Variants in BICC1 observed in about 807,000 individuals in gnomAD.
BICC1 encodes the protein BicC family RNA binding protein 1.
In BICC1, 43 loss-of-function variants were observed where a neutral mutation model predicts 111.0. The observed-to-expected ratio is 0.39, with a 90% CI of 0.30 to 0.50. The LOEUF (loss-of-function observed/expected upper bound fraction) is 0.50, where lower values mean the gene tolerates loss of function less well. Among genes scored for constraint, BICC1 ranks in the 20% least tolerant of loss-of-function variants. The pLI is 0.88. For synonymous variants in BICC1, 467 were observed against 434.4 expected, an observed-to-expected ratio of 1.07 and a Z score of -0.93; for missense variants, 1,091 against 1,203.2, an observed-to-expected ratio of 0.91 and a Z score of 1.38.
At chr10:58,588,719 A>T (rs771498439) in intron 1 of BICC1, among the ~76,000 whole-genome samples, 2 of 152,184 alleles carry the variant, frequency 1.3e-5, no homozygotes, top group Non-Finnish European at 2.9e-5. Context: ...AAGGTAGTAA[A>T]AACGCATCCC....
chr10:58,598,995 A>G (rs1043960663), intron 1 of BICC1, among the ~76,000 whole-genome samples: 1 of 152,242 alleles, frequency 6.6e-6, no homozygotes, highest in Non-Finnish European at 1.5e-5. Context: ...TTAAAAAGTC[A>G]GGCAACAACA....
At chr10:58,667,017 C>T (rs190260314) in intron 2 of BICC1, among the ~76,000 whole-genome samples, 16 of 152,076 alleles carry the variant, frequency 1.1e-4, no homozygotes, top group African/African-American at 3.6e-4. Flanking sequence ...CAATAATGAT[C>T]TAGATGAAAG....
chr10:58,611,554 C>T (rs1845420489), intron 1 of BICC1, among the ~76,000 whole-genome samples: 1 of 151,658 alleles, frequency 6.6e-6, no homozygotes, highest in Admixed American at 6.6e-5. Flanking sequence ...TGGCTCACTG[C>T]AACCTCCGCC....
At chr10:58,555,506 T>C (rs1843426926) in intron 1 of BICC1, among the ~76,000 whole-genome samples, 4 of 152,036 alleles carry the variant, frequency 2.6e-5, no homozygotes, top group Admixed American at 2.0e-4. Context: ...AAAGGGAAGC[T>C]AAGGTCTAGG....
chr10:58,596,999 A>G (rs932568997), intron 1 of BICC1, among the ~76,000 whole-genome samples: 18 of 152,222 alleles, frequency 1.2e-4, no homozygotes, highest in African/African-American at 2.4e-4. Context: ...TATACATTCA[A>G]TGCTATCCCC....
At chr10:58,715,644 C>T in intron 3 of BICC1, 2 of 1,605,580 alleles carry the variant, frequency 1.2e-6, no homozygotes, top group Non-Finnish European at 8.5e-7. Context: ...GCCAACAATA[C>T]AGGATTATCT....
chr10:58,705,337 C>T (rs988725170), intron 3 of BICC1, among the ~76,000 whole-genome samples: 3 of 152,110 alleles, frequency 2.0e-5, no homozygotes, highest in African/African-American at 7.2e-5. Flanking sequence ...ACAGTCGCTT[C>T]TGGATAATGC....
intron 1 of BICC1, among the ~76,000 whole-genome samples, chr10:58,537,097 A>G (rs1842845127): frequency 6.6e-6 from 1 of 151,702 alleles, no homozygotes; most frequent in Non-Finnish European, 1.5e-5. Flanking sequence ...CAACAAAAAA[A>G]GCCCAGGGCA....
At chr10:58,764,629 C>CT (rs11366847) in intron 3 of BICC1, among the ~76,000 whole-genome samples, 1,630 of 117,572 alleles carry the variant, frequency 0.014, 30 homozygotes, top group South Asian at 0.065. Flanking sequence ...TAATTTCCTT[C>CT]TTTTTTTTTT....
At chr10:58,690,074 C>A (rs1399839813) in intron 2 of BICC1, among the ~76,000 whole-genome samples, 1 of 152,124 alleles carries the variant, frequency 6.6e-6, no homozygotes, top group East Asian at 1.9e-4. Flanking sequence ...ATATATACAG[C>A]ATTAAAAGAT....
At chr10:58,796,550 C>A (rs745803879) in intron 10 of BICC1, 24 bp downstream of exon 10, 8 of 1,581,400 alleles carry the variant, frequency 5.1e-6, no homozygotes, top group Non-Finnish European at 6.9e-6. Flanking sequence ...TATTACAGCG[C>A]GTCTCAGTCA....
intron 2 of BICC1, among the ~76,000 whole-genome samples, chr10:58,673,612 C>G (rs1839247604): frequency 6.6e-6 from 1 of 152,050 alleles, no homozygotes; most frequent in Non-Finnish European, 1.5e-5. Flanking sequence ...TTACCACATT[C>G]TTGTTATTTT....
intron 1 of BICC1, among the ~76,000 whole-genome samples, chr10:58,611,922 C>T (rs1337202964): frequency 6.6e-6 from 1 of 152,100 alleles, no homozygotes; most frequent in African/African-American, 2.4e-5. Flanking sequence ...TTAATCCAGC[C>T]ACTGTTAAGA....
At chr10:58,620,142 C>T (rs868654003) in intron 1 of BICC1, among the ~76,000 whole-genome samples, 2 of 152,150 alleles carry the variant, frequency 1.3e-5, no homozygotes, top group South Asian at 2.1e-4. Flanking sequence ...TCAAATTCCC[C>T]ACCCCTCAAA....
At chr10:58,550,973 C>T (rs981745546) in intron 1 of BICC1, among the ~76,000 whole-genome samples, 20 of 152,140 alleles carry the variant, frequency 1.3e-4, no homozygotes, top group African/African-American at 4.3e-4. Context: ...CAGCTTTTAA[C>T]ATTCCACATC....
chr10:58,746,538 A>G (rs1841842155), intron 3 of BICC1, among the ~76,000 whole-genome samples: 1 of 152,160 alleles, frequency 6.6e-6, no homozygotes, highest in East Asian at 1.9e-4. Context: ...TGAGGAGGTG[A>G]GTTCTCAGTT....
chr10:58,789,638 C>G (rs374597697), intron 7 of BICC1, 44 bp from the exon 8 acceptor site: 18 of 1,603,822 alleles, frequency 1.1e-5, no homozygotes, highest in Non-Finnish European at 1.5e-5. Flanking sequence ...CGTATATGAA[C>G]AGTTAATGTA....
chr10:58,680,885 T>G (rs531850611), intron 2 of BICC1, among the ~76,000 whole-genome samples: 3 of 152,358 alleles, frequency 2.0e-5, no homozygotes, highest in African/African-American at 7.2e-5. Context: ...TACAACCATC[T>G]GATCTTTGAC....
Position 58,544,692 on chromosome 10 carries a change from T to G in BICC1, c.190+31359T>G, listed in dbSNP as rs534037188. The stretch of plus-strand genomic sequence containing the variant: ...ATGCTTATCAAGGATCAAGATAATA[T>G]AACTATACTGAATTAATAGACATGC... On this transcript the variant is annotated intron_variant, in intron 1 of 20. Coordinates refer to ENST00000373886, the MANE Select transcript of BICC1 (RefSeq NM_001080512.3). 4.6e-5 allele frequency among the ~76,000 whole-genome samples: 7 copies of G among 152,260 alleles called. No individual in the cohort carries two copies. The South Asian group carries it at 1.0e-3, about 23-fold the overall frequency.
Sources: gnomAD v4.1 joint callset for allele counts (sites outside exome capture counted in the v4.1 genomes callset) on GRCh38, gnomAD v4.1.1 for gene constraint, MANE v1.5 for transcripts, NCBI Gene and HGNC (gene_info 2026-07-23, HGNC 2026-07-21) for gene names.